Variants in CNBD1 observed in about 807,000 individuals in gnomAD.
The protein encoded by CNBD1 is cyclic nucleotide-binding domain-containing protein 1.
Under a neutral mutation model 54.4 loss-of-function variants are expected in CNBD1, and 71 were observed. The ratio of observed to expected loss-of-function variants is 1.30; its 90% confidence interval spans 1.08 to 1.59. The LOEUF (loss-of-function observed/expected upper bound fraction) is 1.59. CNBD1 is among the 40% of genes most tolerant of loss of function. The pLI is 0.00. For synonymous variants in CNBD1, 182 were observed against 170.7 expected (o/e 1.07, Z -0.51); for missense variants, 659 against 518.0 (o/e 1.27, Z -2.64).
intron 4 of CNBD1, among the ~76,000 whole-genome samples, chr8:87,132,797 G>GTA (rs111572962): frequency 0.029 from 4,268 of 145,920 alleles, 217 homozygotes; most frequent in African/African-American, 0.098. Flanking sequence ...ATATATATGT[G>GTA]TATATATATA....
At chr8:87,397,736 CT>C (rs1362048772) in intron 2 of CNBD1, among the ~76,000 whole-genome samples, 1 of 151,952 alleles carries the variant, frequency 6.6e-6, no homozygotes, top group Non-Finnish European at 1.5e-5. Context: ...TAGTCTAGCT[CT>C]TTGTTCCCAC....
intron 3 of CNBD1, among the ~76,000 whole-genome samples, chr8:86,916,776 T>G (rs1262792428): frequency 6.6e-6 from 1 of 152,026 alleles, no homozygotes; most frequent in Non-Finnish European, 1.5e-5. Flanking sequence ...CAAACTTGGC[T>G]CACTGCAACC....
chr8:86,876,670 T>TA (rs1808525733), intron 1 of CNBD1, among the ~76,000 whole-genome samples: 3 of 43,400 alleles, frequency 6.9e-5, no homozygotes, highest in Non-Finnish European at 1.5e-4. Context: ...GTAATATCAG[T>TA]CATTTTTTTC....
At chr8:87,245,709 C>T (rs1255484041) in intron 6 of CNBD1, among the ~76,000 whole-genome samples, 2 of 151,810 alleles carry the variant, frequency 1.3e-5, no homozygotes, top group South Asian at 2.1e-4. Flanking sequence ...ATTGTGTACT[C>T]GTTTTACTTT....
chr8:87,138,826 A>G (rs1347983571), intron 4 of CNBD1, among the ~76,000 whole-genome samples: 1 of 152,234 alleles, frequency 6.6e-6, no homozygotes, highest in Non-Finnish European at 1.5e-5. Flanking sequence ...ATCCTGGGCA[A>G]TAAAGGATTC....
intron 3 of CNBD1, among the ~76,000 whole-genome samples, chr8:86,907,607 G>T (rs1406513904): frequency 6.6e-6 from 1 of 151,782 alleles, no homozygotes; most frequent in Non-Finnish European, 1.5e-5. Flanking sequence ...GGCGGAGGTT[G>T]CAGTGAGCCA....
chr8:86,890,610 G>T (rs2131791778), intron 2 of CNBD1, among the ~76,000 whole-genome samples: 1 of 152,226 alleles, frequency 6.6e-6, no homozygotes, highest in Non-Finnish European at 1.5e-5. Flanking sequence ...CCAGAAGTGA[G>T]ATTCCTGCAT....
intron 10 of CNBD1, among the ~76,000 whole-genome samples, chr8:87,370,810 T>G (rs1306508409): frequency 6.0e-5 from 9 of 150,206 alleles, no homozygotes; most frequent in South Asian, 2.1e-4. Flanking sequence ...CCCATGCCTA[T>G]GTCCTGAATG....
rs1311260531 is a variant in CNBD1 at position 87,155,075 on chromosome 8, A to C, written c.432-50918A>C. On this transcript the variant is annotated intron_variant, in intron 4 of 10. Transcript: ENST00000518476. ...AGCACCACCTGGGTCTGGGAGGGCA[A>C]TTTTCCTCTTTTGGGATTCAATATT... Among the ~76,000 whole-genome samples, 3 of 152,164 alleles carry C rather than the reference A, an allele frequency of 2.0e-5. No homozygotes were observed. In the East Asian group the frequency reaches 5.8e-4, roughly 29 times the overall value.
In CNBD1 at chr8:87,066,418, A is replaced by G. The variant is rs1249478136; in HGVS notation, c.431+126664A>G. ...CTCCTCTACATGAGTGAGTGCTGCC[A>G]CCTTATTAATTTTGAAGTTTCCCTT... On this transcript the variant is annotated intron_variant, in intron 4 of 10. Transcript: ENST00000518476. 2.0e-5 allele frequency among the ~76,000 whole-genome samples: 3 copies of G among 152,090 alleles called. No homozygotes were observed. The East Asian group carries it at 5.8e-4, about 29-fold the overall frequency.
chr8:87,333,818 C>T (rs1051519689), intron 8 of CNBD1, among the ~76,000 whole-genome samples: 12 of 151,956 alleles, frequency 7.9e-5, no homozygotes, highest in African/African-American at 2.9e-4. Context: ...GGATATTGGC[C>T]TGAAGTTTTC....
chr8:87,420,098 C>G lies in CNBD1; in HGVS notation c.214-8448C>G, dbSNP rs569036555. ...TAACAATAACAAAGTGTTAATATAC[C>G]TTACCACATTTACAGAATAAAAGAT... On this transcript the variant is annotated intron_variant, in intron 2 of 7. Coordinates refer to the CNBD1 transcript ENST00000521593. Among the ~76,000 whole-genome samples, 55 of 151,662 alleles carry G rather than the reference C, an allele frequency of 3.6e-4. 1 individual carries two copies. The highest frequency in any genetic ancestry group is 5.9e-4 in the Non-Finnish European group (40 of 67,856).
In CNBD1 at chr8:87,283,793, T is replaced by C. The variant is rs557157172; in HGVS notation, c.772-885T>C. On this transcript the variant is annotated intron_variant, in intron 6 of 10. Transcript: ENST00000518476. ...TCACCTTGCATGGCTCTGAGTCCCA[T>C]CTCCTGTTCCTACATGTACAACAAG... Among the ~76,000 whole-genome samples, 8 of 152,192 alleles carry C rather than the reference T, an allele frequency of 5.3e-5. No individual in the cohort carries two copies. In the South Asian group the frequency reaches 1.7e-3, roughly 32 times the overall value.
intron 8 of CNBD1, among the ~76,000 whole-genome samples, chr8:87,311,496 G>C (rs916282045): frequency 6.6e-6 from 1 of 152,082 alleles, no homozygotes; most frequent in African/African-American, 2.4e-5. Flanking sequence ...GTCCACAGTT[G>C]GTGGGAATGT....
intron 8 of CNBD1, among the ~76,000 whole-genome samples, chr8:87,348,409 T>A (rs1292856161): frequency 1.3e-5 from 2 of 152,198 alleles, no homozygotes; most frequent in Admixed American, 6.5e-5. Context: ...TTTCTTAACA[T>A]TTTTAAAGCA....
chr8:86,989,490 G>A (rs1586183127), intron 4 of CNBD1, among the ~76,000 whole-genome samples: 1 of 151,772 alleles, frequency 6.6e-6, no homozygotes, highest in South Asian at 2.1e-4. Flanking sequence ...TCGCTCTGTT[G>A]CCCAGGCTAG....
intron 10 of CNBD1, among the ~76,000 whole-genome samples, chr8:87,356,242 T>C (rs1222873418): frequency 6.6e-6 from 1 of 152,170 alleles, no homozygotes; most frequent in Non-Finnish European, 1.5e-5. Flanking sequence ...GAAGCAGCTT[T>C]GGAACTGGGT....
intron 5 of CNBD1, among the ~76,000 whole-genome samples, chr8:87,228,251 C>A (rs9771687): frequency 0.56 from 83,020 of 148,692 alleles, 23,989 homozygotes; most frequent in African/African-American, 0.62. Flanking sequence ...CGTCAAAGTC[C>A]TTCTCCGTCC....
intron 8 of CNBD1, among the ~76,000 whole-genome samples, chr8:87,315,705 G>A (rs1477005690): frequency 1.3e-5 from 2 of 152,012 alleles, no homozygotes; most frequent in Non-Finnish European, 2.9e-5. Flanking sequence ...TTTTGGAGGG[G>A]TAAAATATCC....
Sources: allele counts gnomAD v4.1 joint callset (sites outside exome capture counted in the v4.1 genomes callset), GRCh38; gene constraint gnomAD v4.1.1; transcripts MANE v1.5; gene names NCBI Gene and HGNC (gene_info 2026-07-23, HGNC 2026-07-21).